The following NEK11 variants were observed in gnomAD, a reference collection of about 807,000 sequenced individuals.
NEK11 encodes the protein NIMA related kinase 11.
NEK11 carries 72 observed loss-of-function variants against 80.7 expected under a neutral mutation model. The observed-to-expected ratio is 0.89, with a 90% CI of 0.74 to 1.08. NEK11 has a LOEUF of 1.08. NEK11 is among the 50% of genes least tolerant of loss of function. The pLI, the probability that NEK11 is intolerant of heterozygous loss-of-function variation, is 0.00. For missense variants in NEK11, 764 were observed against 763.6 expected (o/e 1.00, Z -0.01); for synonymous variants, 251 against 260.7 (o/e 0.96, Z 0.36).
intron 3 of NEK11, among the ~76,000 whole-genome samples, chr3:131,036,659 A>C (rs1335086108): frequency 2.0e-5 from 3 of 152,240 alleles, no homozygotes; most frequent in Non-Finnish European, 4.4e-5. Context: ...AGAAGTAGCC[A>C]GTGGTTTTCA....
intron 13 of NEK11, among the ~76,000 whole-genome samples, chr3:131,169,845 G>A (rs1361455634): frequency 6.6e-6 from 1 of 152,134 alleles, no homozygotes; most frequent in Non-Finnish European, 1.5e-5. Context: ...TTTCTGAAGT[G>A]CACGTAAAGA....
At chr3:131,196,834 T>C (rs1405828163) in intron 14 of NEK11, among the ~76,000 whole-genome samples, 1 of 149,344 alleles carries the variant, frequency 6.7e-6, no homozygotes, top group African/African-American at 2.5e-5. Flanking sequence ...AAAATTTCTT[T>C]TCTTTTCTTT....
At chr3:131,125,474 T>C (rs943899448) in intron 5 of NEK11, among the ~76,000 whole-genome samples, 9 of 152,224 alleles carry the variant, frequency 5.9e-5, no homozygotes, top group African/African-American at 2.2e-4. Flanking sequence ...AGATATTTCC[T>C]TATGACCAGG....
In NEK11 at chr3:131,350,332, G is replaced by A. The variant is rs1438550833; in HGVS notation, c.*556G>A. 1 of 152,166 alleles carries A rather than the reference G, an allele frequency of 6.6e-6. No individual in the cohort carries two copies. Among genetic ancestry groups the A allele is most frequent in the African/African-American group, 2.4e-5 (1 of 41,384 alleles). 9.4% of individuals were successfully genotyped at this position (152,166 alleles called of 1,614,324 possible). On this transcript the variant is annotated 3_prime_UTR_variant, in exon 18 of 18. Coordinates refer to ENST00000383366, the MANE Select transcript of NEK11 (RefSeq NM_024800.5). ...GTATTTCATACACACACAAGGACCT[G>A]GATTAAAAATCCAAAAAGTGATTCT...
chr3:131,107,269 T>C (rs2079330924), intron 4 of NEK11, among the ~76,000 whole-genome samples: 2 of 152,086 alleles, frequency 1.3e-5, no homozygotes, highest in Admixed American at 6.6e-5. Flanking sequence ...TTTTTGTACA[T>C]GGAGAAAATT....
intron 15 of NEK11, among the ~76,000 whole-genome samples, chr3:131,229,489 TA>T (rs577081226): frequency 3.6e-4 from 54 of 152,076 alleles, no homozygotes; most frequent in African/African-American, 1.2e-3. Context: ...GCTACTAAAA[TA>T]AAAGTCTACC....
chr3:131,235,720 A>G (rs773239606), intron 15 of NEK11, among the ~76,000 whole-genome samples: 2 of 152,188 alleles, frequency 1.3e-5, no homozygotes, highest in Non-Finnish European at 2.9e-5. Context: ...ACAGCACTCA[A>G]TGCAATTAAC....
At chr3:131,159,790 T>C (rs1428258701) in intron 10 of NEK11, among the ~76,000 whole-genome samples, 1 of 151,494 alleles carries the variant, frequency 6.6e-6, no homozygotes, top group Admixed American at 6.6e-5. Context: ...CAATCTCAAG[T>C]ATTAGTATCA....
intron 15 of NEK11, among the ~76,000 whole-genome samples, chr3:131,239,849 C>CAT (rs1223422910): frequency 1.2e-4 from 18 of 152,248 alleles, no homozygotes; most frequent in African/African-American, 4.3e-4. Flanking sequence ...TTCATTCACA[C>CAT]AGTCACAATT....
intron 4 of NEK11, among the ~76,000 whole-genome samples, chr3:131,100,775 C>A (rs1192102406): frequency 6.6e-6 from 1 of 152,092 alleles, no homozygotes; most frequent in Non-Finnish European, 1.5e-5. Context: ...TAGGGAGGAG[C>A]CCCTCCTCCT....
chr3:131,035,577 C>T (rs1278712456), intron 3 of NEK11, among the ~76,000 whole-genome samples: 2 of 152,040 alleles, frequency 1.3e-5, no homozygotes, highest in African/African-American at 4.8e-5. Context: ...ATTCATACAC[C>T]CAGAGATGGT....
chr3:131,253,916 T>C (rs1358899473), intron 16 of NEK11, among the ~76,000 whole-genome samples: 2 of 152,188 alleles, frequency 1.3e-5, no homozygotes, highest in African/African-American at 4.8e-5. Context: ...GCTATGAGTA[T>C]GCTAATAAGA....
At chr3:131,148,983 T>C (rs1308901227) in intron 7 of NEK11, among the ~76,000 whole-genome samples, 1 of 152,058 alleles carries the variant, frequency 6.6e-6, no homozygotes, top group East Asian at 1.9e-4. Context: ...ATCATTTCTT[T>C]GTGTTGGGAA....
chr3:131,189,462 T>C (rs1000061374), intron 14 of NEK11, among the ~76,000 whole-genome samples: 1 of 152,200 alleles, frequency 6.6e-6, no homozygotes, highest in African/African-American at 2.4e-5. Flanking sequence ...TCATAGATGA[T>C]GACTTCTCAC....
intron 4 of NEK11, among the ~76,000 whole-genome samples, chr3:131,090,195 G>A (rs747820631): frequency 6.6e-6 from 1 of 152,096 alleles, no homozygotes; most frequent in Non-Finnish European, 1.5e-5. Context: ...CACTGAATTT[G>A]GGTTGTTCTT....
chr3:131,218,568 C>T (rs763920900), intron 14 of NEK11, among the ~76,000 whole-genome samples: 5 of 152,138 alleles, frequency 3.3e-5, no homozygotes, highest in African/African-American at 1.2e-4. Flanking sequence ...ACTGAGTCCC[C>T]GCTAAAAGCC....
Position 131,349,711 on chromosome 3 carries a change from C to G in NEK11, c.1873C>G (p.Leu625Val). 1 of 1,614,232 alleles carries G rather than the reference C, an allele frequency of 6.2e-7. No individual in the cohort carries two copies. The highest frequency in any genetic ancestry group is 8.5e-7 in the Non-Finnish European group (1 of 1,180,032). Residue 625 changes from leucine to valine, a missense_variant, in exon 18 of 18, where the codon CTG becomes GTG. By Grantham distance (32) the Leu-to-Val change is conservative (BLOSUM62 1). Transcript: ENST00000383366. ...ASDCFEVDQL[L>V]YFEEQLLITM... ...CGACTGTTTTGAAGTGGACCAGCTC[C>G]TGTACTTTGAAGAGCAGTTGCTGAT...
chr3:131,028,037 G>A lies in NEK11; in HGVS notation c.-97+35G>A, dbSNP rs114373610. 4.8e-3 allele frequency: 724 copies of A among 152,292 alleles called. 6 individuals carry two copies. The highest frequency in any genetic ancestry group is 0.016 in the African/African-American group (658 of 41,548). 9.4% of individuals were successfully genotyped at this position (152,292 alleles called of 1,614,324 possible). ...TATATTTATTTGAACAGCTTAGTATGGCCAGACGGCATCACTTTTATGACA... is the reference window on the plus strand; with the variant it reads ...TATATTTATTTGAACAGCTTAGTATAGCCAGACGGCATCACTTTTATGACA... On this transcript the variant is annotated intron_variant, in intron 2 of 17. Coordinates refer to ENST00000383366, the MANE Select transcript of NEK11 (RefSeq NM_024800.5).
intron 14 of NEK11, among the ~76,000 whole-genome samples, chr3:131,207,435 T>C (rs1182844711): frequency 6.6e-6 from 1 of 152,062 alleles, no homozygotes; most frequent in East Asian, 1.9e-4. Context: ...TACAAAAAAT[T>C]AGCTGGGCGC....
Sources: allele counts gnomAD v4.1 joint callset (sites outside exome capture counted in the v4.1 genomes callset), GRCh38; gene constraint gnomAD v4.1.1; transcripts MANE v1.5; gene names NCBI Gene and HGNC (gene_info 2026-07-23, HGNC 2026-07-21).